Variants in C2orf15 observed in about 807,000 individuals in gnomAD.
C2orf15 encodes uncharacterized protein C2orf15.
Under a neutral mutation model 4.4 loss-of-function variants are expected in C2orf15, and 3 were observed. That is an observed-to-expected ratio of 0.67 (90% CI 0.31 to 1.74). The LOEUF (loss-of-function observed/expected upper bound fraction) is 1.74. C2orf15 is among the 40% of genes most tolerant of loss of function. The pLI is 0.09. For missense variants in C2orf15, 90 were observed against 103.3 expected (o/e 0.87, Z 0.56); for synonymous variants, 37 against 36.8 (o/e 1.00, Z -0.02).
At chr2:99,142,943 C>T (rs547389384) in intron 2 of C2orf15, among the ~76,000 whole-genome samples, 5 of 151,894 alleles carry the variant, frequency 3.3e-5, no homozygotes, top group South Asian at 4.2e-4. Flanking sequence ...GCCACCTAGA[C>T]GGTACTGAAG....
intron 3 of C2orf15, among the ~76,000 whole-genome samples, chr2:99,149,653 A>C (rs1017366905): frequency 6.6e-6 from 1 of 151,728 alleles, no homozygotes; most frequent in Admixed American, 6.6e-5. Context: ...CATATTAGCC[A>C]GGATGGTCTC....
intron 2 of C2orf15, among the ~76,000 whole-genome samples, chr2:99,144,139 G>C (rs1020798154): frequency 4.6e-5 from 7 of 152,212 alleles, no homozygotes; most frequent in African/African-American, 1.7e-4. Context: ...TCCTGCCTCA[G>C]CCTCCCGAGC....
At position 99,150,491 on chromosome 2, in the gene C2orf15, T is replaced by C. The variant is rs756623182; in HGVS notation, c.-68T>C. 6.5e-7 allele frequency: 1 copy of C among 1,529,234 alleles called. No homozygotes were observed. The highest frequency in any genetic ancestry group is 8.8e-7 in the Non-Finnish European group (1 of 1,135,702). The allele number at this position is 1,529,234 out of a possible 1,614,324, so 94.7% of individuals were successfully genotyped here. ...TTTTTTTTTTTTTTCAGTAATCAAG[T>C]TGAAGAAACACTTCCACTACTTAAA... On this transcript the variant is annotated 5_prime_UTR_variant, in exon 4 of 4. Coordinates refer to ENST00000650052, the MANE Select transcript of C2orf15 (RefSeq NM_144706.4).
Position 99,151,178 on chromosome 2 carries a change from G to T in C2orf15, c.*344G>T. 5.9e-6 allele frequency: 1 copy of T among 169,076 alleles called. No homozygotes were observed. The allele number at this position is 169,076 out of a possible 1,614,324, so 10.5% of individuals were successfully genotyped here. ...ACAAGTGGTTAAAAAAAGTGTCCAA[G>T]CAGCCGGGCGCAGTGGCTCACACCT... On this transcript the variant is annotated 3_prime_UTR_variant, in exon 4 of 4. Coordinates refer to ENST00000650052, the MANE Select transcript of C2orf15 (RefSeq NM_144706.4).
rs755092558 is a variant in C2orf15, at chr2:99,150,653, G to A, written c.95G>A (p.Ser32Asn). The A allele has an allele frequency of 1.2e-6, 2 of 1,614,066 alleles. No homozygotes were observed. The highest frequency in any genetic ancestry group is 2.2e-5 in the South Asian group (2 of 91,084). The change falls in exon 4 of 4, where the codon AGC (serine) becomes AAC (asparagine). Residue 32 changes from serine to asparagine, a missense_variant. Physicochemically the swap from Ser to Asn is conservative, Grantham distance 46. Transcript: ENST00000650052. Reference sequence around the variant, plus strand: ...CACTTAATACGAGGGACTGAAAAAAGCAGGTTGGAACCAGCGACTCAGTTA... The same window carrying A: ...CACTTAATACGAGGGACTGAAAAAAACAGGTTGGAACCAGCGACTCAGTTA... ...DDHLIRGTEK[S>N]RLEPATQLFQ...
At chr2:99,146,112 G>A (rs1279692663) in intron 2 of C2orf15, among the ~76,000 whole-genome samples, 3 of 152,098 alleles carry the variant, frequency 2.0e-5, no homozygotes, top group Admixed American at 1.3e-4. Context: ...GCGAAACATC[G>A]TCTCTACTAA....
chr2:99,143,299 G>A (rs1039548441), intron 2 of C2orf15, among the ~76,000 whole-genome samples: 11 of 147,324 alleles, frequency 7.5e-5, no homozygotes, highest in Non-Finnish European at 1.5e-4. Flanking sequence ...CCACTACTAC[G>A]CCCAGCTTTT....
In C2orf15 at chr2:99,142,359, T is replaced by A. The variant is rs765210547; in HGVS notation, c.-211T>A. On this transcript the variant is annotated 5_prime_UTR_variant, in exon 2 of 4. An upstream open reading frame in the 5' UTR loses its in-frame stop. Transcript: ENST00000650052. ...GGTAGAACGCTGTGTATTTCAAGAG[T>A]AAGCTCTCGTTTGAGGAGACTAACA... The A allele has an allele frequency of 1.7e-4, 26 of 152,182 alleles. No homozygotes were observed. The highest frequency in any genetic ancestry group is 7.8e-4 in the Admixed American group (12 of 15,288). The allele number at this position is 152,182 out of a possible 1,614,324, so 9.4% of individuals were successfully genotyped here.
intron 2 of C2orf15, among the ~76,000 whole-genome samples, chr2:99,146,615 A>G (rs1463054117): frequency 3.3e-5 from 5 of 152,080 alleles, no homozygotes. Flanking sequence ...TTAGGTCTTT[A>G]ATGCATTTGC....
chr2:99,144,096 C>T (rs2093606372), intron 2 of C2orf15, among the ~76,000 whole-genome samples: 1 of 152,154 alleles, frequency 6.6e-6, no homozygotes, highest in Non-Finnish European at 1.5e-5. Flanking sequence ...TCTCCGCTCA[C>T]TGGAAGCTCT....
intron 2 of C2orf15, among the ~76,000 whole-genome samples, chr2:99,145,676 C>T (rs1239988942): frequency 1.3e-5 from 2 of 152,288 alleles, no homozygotes; most frequent in South Asian, 2.1e-4. Context: ...TGCCACATAA[C>T]ATAACATAGT....
At chr2:99,145,444 A>C (rs1461485761) in intron 2 of C2orf15, among the ~76,000 whole-genome samples, 1 of 152,060 alleles carries the variant, frequency 6.6e-6, no homozygotes, top group Non-Finnish European at 1.5e-5. Context: ...CTGTAATCCC[A>C]GCTACTTGGG....
intron 3 of C2orf15, among the ~76,000 whole-genome samples, chr2:99,149,450 T>TC (rs2093666663): frequency 6.6e-6 from 1 of 150,756 alleles, no homozygotes; most frequent in Non-Finnish European, 1.5e-5. Context: ...ATCTTTTTTT[T>TC]TTTTTTTTTT....
chr2:99,144,878 G>C (rs1375484212), intron 2 of C2orf15, among the ~76,000 whole-genome samples: 1 of 152,256 alleles, frequency 6.6e-6, no homozygotes, highest in Admixed American at 6.5e-5. Flanking sequence ...ATATGCTTGA[G>C]GAACAGCAAT....
intron 2 of C2orf15, chr2:99,147,059 T>C (rs1036932633): frequency 6.0e-6 from 1 of 165,478 alleles, no homozygotes; most frequent in Non-Finnish European, 1.3e-5. Flanking sequence ...GTTCCTGAAA[T>C]ACCTAAGTCC....
chr2:99,148,505 C>T (rs1201984881), intron 3 of C2orf15, among the ~76,000 whole-genome samples: 2 of 152,082 alleles, frequency 1.3e-5, no homozygotes, highest in African/African-American at 2.4e-5. Context: ...CTACAGTAGA[C>T]CCAGGACTCT....
At chr2:99,143,268 A>G (rs1234551633) in intron 2 of C2orf15, among the ~76,000 whole-genome samples, 1 of 149,796 alleles carries the variant, frequency 6.7e-6, no homozygotes, top group Admixed American at 6.7e-5. Context: ...CAGCCTCCCA[A>G]GTAGCTAGGA....
intron 3 of C2orf15, among the ~76,000 whole-genome samples, chr2:99,150,084 A>T (rs1024029563): frequency 2.0e-5 from 3 of 152,118 alleles, no homozygotes; most frequent in Non-Finnish European, 4.4e-5. Context: ...GGGCCACCGC[A>T]CCCAGCCAAT....
At chr2:99,144,026 T>TC (rs397748865) in intron 2 of C2orf15, among the ~76,000 whole-genome samples, 7 of 151,546 alleles carry the variant, frequency 4.6e-5, no homozygotes, top group Non-Finnish European at 1.5e-5. Flanking sequence ...TCCTTTTTTT[T>TC]GTTTGTTTTT....
Sources: allele counts gnomAD v4.1 joint callset (sites outside exome capture counted in the v4.1 genomes callset), GRCh38; gene constraint gnomAD v4.1.1; transcripts MANE v1.5; gene names NCBI Gene and HGNC (gene_info 2026-07-23, HGNC 2026-07-21).